The following DACH2 variants were observed in gnomAD, a reference collection of about 807,000 sequenced individuals.
DACH2 encodes the protein dachshund homolog 2.
In DACH2, 17 loss-of-function variants were observed where a neutral mutation model predicts 35.8. That is an observed-to-expected ratio of 0.48 (90% confidence interval 0.33 to 0.71). The LOEUF is 0.71. Ranked by LOEUF, DACH2 falls within the 30% of genes least tolerant of loss-of-function variation. DACH2 has a pLI of 0.02. For missense variants in DACH2, 469 were observed against 472.7 expected, an observed-to-expected ratio of 0.99 and a Z score of 0.07; for synonymous variants, 195 against 177.3, an observed-to-expected ratio of 1.10 and a Z score of -0.79.
At chrX:86,197,438 A>C (rs761920682) in intron 1 of DACH2, among the ~76,000 whole-genome samples, 4 of 111,768 alleles carry the variant, frequency 3.6e-5, no homozygotes, top group African/African-American at 1.3e-4. Flanking sequence ...AACAGGATAA[A>C]TATCTCAATT....
intron 5 of DACH2, among the ~76,000 whole-genome samples, chrX:86,705,043 T>TA (rs1303787528): frequency 2.8e-5 from 3 of 107,045 alleles, no homozygotes; most frequent in African/African-American, 1.0e-4. Flanking sequence ...TATATATATA[T>TA]ATCTCACATA....
At chrX:86,683,463 G>T (rs2040906121) in intron 4 of DACH2, among the ~76,000 whole-genome samples, 1 of 111,445 alleles carries the variant, frequency 9.0e-6, no homozygotes, top group Admixed American at 9.6e-5. Context: ...CGTATCTGGA[G>T]TCCTCATTTT....
At chrX:86,517,879 G>A (rs1421626380) in intron 3 of DACH2, among the ~76,000 whole-genome samples, 1 of 111,356 alleles carries the variant, frequency 9.0e-6, no homozygotes, top group Non-Finnish European at 1.9e-5. Flanking sequence ...TTCTTTTGCT[G>A]TGCATAAGCC....
intron 7 of DACH2, among the ~76,000 whole-genome samples, chrX:86,743,670 T>C (rs2041680856): frequency 9.0e-6 from 1 of 111,620 alleles, no homozygotes; most frequent in Non-Finnish European, 1.9e-5. Context: ...AAATAATATA[T>C]GATTTTAATT....
chrX:86,774,974 T>C (rs2042017337), intron 7 of DACH2, among the ~76,000 whole-genome samples: 1 of 111,458 alleles, frequency 9.0e-6, no homozygotes, highest in African/African-American at 3.3e-5. Context: ...GAATCTTCCA[T>C]GTATGCGCTG....
At chrX:86,731,134 T>C (rs981844461) in intron 6 of DACH2, among the ~76,000 whole-genome samples, 28 of 111,375 alleles carry the variant, frequency 2.5e-4, no homozygotes, top group African/African-American at 9.1e-4. Flanking sequence ...GACTTATATA[T>C]TTACTGTTTT....
intron 4 of DACH2, among the ~76,000 whole-genome samples, chrX:86,686,166 A>AT (rs780741356): frequency 8.9e-6 from 1 of 112,055 alleles, no homozygotes; most frequent in South Asian, 3.7e-4. Context: ...ACATAAACAA[A>AT]TTTTTCTGTA....
chrX:86,285,943 T>A (rs2034135128), intron 1 of DACH2, among the ~76,000 whole-genome samples: 2 of 110,166 alleles, frequency 1.8e-5, no homozygotes, highest in African/African-American at 6.6e-5. Flanking sequence ...GTTTTTTTTC[T>A]TGAAATCTAG....
intron 1 of DACH2, among the ~76,000 whole-genome samples, chrX:86,217,142 A>C (rs374884753): frequency 9.1e-6 from 1 of 109,808 alleles, no homozygotes; most frequent in Admixed American, 9.8e-5. Context: ...TTATATAGGG[A>C]CTCATTTTTT....
intron 3 of DACH2, among the ~76,000 whole-genome samples, chrX:86,537,983 T>C (rs1040232214): frequency 4.5e-5 from 5 of 110,615 alleles, no homozygotes; most frequent in Non-Finnish European, 9.5e-5. Flanking sequence ...CCCCCTTTGA[T>C]TGTAATTTTC....
chrX:86,548,005 G>A (rs1033858129), intron 3 of DACH2, among the ~76,000 whole-genome samples: 4 of 112,434 alleles, frequency 3.6e-5, no homozygotes, highest in Admixed American at 9.4e-5. Context: ...GGCCACTCGA[G>A]TGAATCAGTC....
chrX:86,596,635 C>T lies in DACH2; in HGVS notation c.641-54401C>T, dbSNP rs373366288. On this transcript the variant is annotated intron_variant, in intron 3 of 11. Coordinates refer to ENST00000373125, the MANE Select transcript of DACH2 (RefSeq NM_053281.3). ...TTTTTGGATATAGATTTATCAGATA[C>T]ATAGTTTTAAAATATTCTCTCGAGT... Among the ~76,000 whole-genome samples, 31 of 111,179 alleles carry T rather than the reference C, an allele frequency of 2.8e-4. No individual in the cohort carries two copies. In the East Asian group the frequency reaches 2.8e-3, roughly 10 times the overall value.
At chrX:86,469,862 G>C (rs1303024122) in intron 2 of DACH2, among the ~76,000 whole-genome samples, 1 of 110,444 alleles carries the variant, frequency 9.1e-6, no homozygotes, top group Non-Finnish European at 1.9e-5. Flanking sequence ...GTGTGTGTGT[G>C]TGTGTGTGTA....
intron 1 of DACH2, among the ~76,000 whole-genome samples, chrX:86,285,565 T>C: frequency 8.9e-6 from 1 of 112,115 alleles, no homozygotes; most frequent in Admixed American, 9.5e-5. Context: ...TTTTAAGACT[T>C]GTTTTATGAC....
At chrX:86,305,144 C>T (rs780035039) in intron 1 of DACH2, 1 of 136,828 alleles carries the variant, frequency 7.3e-6, no homozygotes, top group Admixed American at 7.8e-5. Context: ...ACCAGCCTCA[C>T]CCTTTTTGGG....
intron 7 of DACH2, among the ~76,000 whole-genome samples, chrX:86,768,658 T>C (rs937958547): frequency 9.0e-6 from 1 of 111,224 alleles, no homozygotes; most frequent in African/African-American, 3.3e-5. Flanking sequence ...TTATTAGCTT[T>C]TATTTTAGAT....
At chrX:86,632,769 A>G (rs1459943395) in intron 3 of DACH2, among the ~76,000 whole-genome samples, 1 of 111,415 alleles carries the variant, frequency 9.0e-6, no homozygotes, top group African/African-American at 3.3e-5. Flanking sequence ...AGAGAAAACT[A>G]GAAATCAACA....
chrX:86,458,567 G>A (rs972438993), intron 2 of DACH2, among the ~76,000 whole-genome samples: 1 of 111,621 alleles, frequency 9.0e-6, no homozygotes, highest in Non-Finnish European at 1.9e-5. Flanking sequence ...TAGTGATGAT[G>A]TGGTCATGAA....
At chrX:86,540,699 C>T (rs1274955610) in intron 3 of DACH2, among the ~76,000 whole-genome samples, 1 of 111,075 alleles carries the variant, frequency 9.0e-6, no homozygotes, top group Non-Finnish European at 1.9e-5. Context: ...ACACTAGTGT[C>T]AAAATTACAA....
Sources: allele counts gnomAD v4.1 joint callset (sites outside exome capture counted in the v4.1 genomes callset), GRCh38; gene constraint gnomAD v4.1.1; transcripts MANE v1.5; gene names NCBI Gene and HGNC (gene_info 2026-07-23, HGNC 2026-07-21).